Variants in FBXO15 observed in about 807,000 individuals in gnomAD.
FBXO15 encodes F-box only protein 15.
In FBXO15, 30 loss-of-function variants were observed where a neutral mutation model predicts 49.5. The observed-to-expected ratio is 0.61, with a 90% CI of 0.45 to 0.82. The LOEUF (loss-of-function observed/expected upper bound fraction) is 0.82, where lower values mean the gene tolerates loss of function less well. Ranked by LOEUF, FBXO15 falls within the 40% of genes least tolerant of loss-of-function variation. The pLI, the probability that FBXO15 is intolerant of heterozygous loss-of-function variation, is 0.00. For synonymous variants in FBXO15, 250 were observed against 232.7 expected (o/e 1.07, Z -0.68); for missense variants, 591 against 631.5 (o/e 0.94, Z 0.69).
chr18:74,086,732 G>A (rs896794064), intron 8 of FBXO15, among the ~76,000 whole-genome samples: 3 of 152,078 alleles, frequency 2.0e-5, no homozygotes, highest in African/African-American at 4.8e-5. Context: ...TTTTTAATTG[G>A]TATTTTAATA....
At position 74,125,545 on chromosome 18, in the gene FBXO15, G is replaced by A. The variant is rs188619412; in HGVS notation, c.912+430C>T. Among the ~76,000 whole-genome samples, 65 of 152,306 alleles carry A rather than the reference G, an allele frequency of 4.3e-4. 2 individuals carry two copies. The East Asian group carries it at 0.01, about 24-fold the overall frequency. On this transcript the variant is annotated intron_variant, in intron 6 of 9. Transcript: ENST00000419743. ...TGAAGAGCAGATTTCACTCAATGCCGCACCTACAGGATCAGAAACAGGCTT... is the reference window on the plus strand; with the variant it reads ...TGAAGAGCAGATTTCACTCAATGCCACACCTACAGGATCAGAAACAGGCTT...
At chr18:74,119,230 C>T (rs1421078077) in intron 8 of FBXO15, among the ~76,000 whole-genome samples, 1 of 152,200 alleles carries the variant, frequency 6.6e-6, no homozygotes, top group Non-Finnish European at 1.5e-5. Context: ...CCAAAAAGAT[C>T]CTGGCCAATG....
intron 8 of FBXO15, among the ~76,000 whole-genome samples, chr18:74,089,001 T>C (rs1279309626): frequency 6.6e-6 from 1 of 152,176 alleles, no homozygotes; most frequent in Non-Finnish European, 1.5e-5. Context: ...AGTTCTGGGA[T>C]ACATGTACAT....
At chr18:74,138,581 C>T (rs1380166993) in intron 2 of FBXO15, among the ~76,000 whole-genome samples, 2 of 152,060 alleles carry the variant, frequency 1.3e-5, no homozygotes, top group Non-Finnish European at 2.9e-5. Context: ...CCTAAGCCAC[C>T]TCACCCAGCT....
In FBXO15 at chr18:74,134,108, G is replaced by A. The variant is rs983308320; in HGVS notation, c.332+1654C>T. On this transcript the variant is annotated intron_variant, in intron 3 of 9. Transcript: ENST00000419743. Reference sequence around the variant, plus strand: ...TTGATATGTGTATGTGTGTGTTTGTGTGTGTGTGCATGTATTGACATAGAC... The same window carrying A: ...TTGATATGTGTATGTGTGTGTTTGTATGTGTGTGCATGTATTGACATAGAC... Among the ~76,000 whole-genome samples, 7 of 152,330 alleles carry A rather than the reference G, an allele frequency of 4.6e-5. No homozygotes were observed. In the East Asian group the frequency reaches 1.3e-3, roughly 29 times the overall value.
rs578184031 is a variant in FBXO15, at chr18:74,075,492, G to A, written c.1264-1762C>T. 1.3e-5 allele frequency among the ~76,000 whole-genome samples: 2 copies of A among 152,206 alleles called. No individual in the cohort carries two copies. Among genetic ancestry groups the A allele is most frequent in the African/African-American group, 2.4e-5 (1 of 41,450 alleles). ...CCCATCTTAGAGAGGCAGAGAGAGG[G>A]AAACAGCCTCCCTGGGCCCCGCAGG... On this transcript the variant is annotated intron_variant, in intron 9 of 9. Coordinates refer to ENST00000419743, the MANE Select transcript of FBXO15 (RefSeq NM_001142958.2). The surrounding 1 kb of genome is among the most constrained non-coding windows in gnomAD (Gnocchi z 4.1).
chr18:74,117,392 A>T (rs1157914121), intron 8 of FBXO15, among the ~76,000 whole-genome samples: 1 of 152,202 alleles, frequency 6.6e-6, no homozygotes, highest in African/African-American at 2.4e-5. Flanking sequence ...AATTGGCTTA[A>T]ATGTTACTCC....
chr18:74,083,197 C>T (rs906298151), intron 8 of FBXO15, among the ~76,000 whole-genome samples: 6 of 152,202 alleles, frequency 3.9e-5, no homozygotes, highest in Non-Finnish European at 8.8e-5. Context: ...AGAGGCAGCC[C>T]ACATTTTCCT....
chr18:74,129,745 C>T (rs1978316117), intron 4 of FBXO15, 131 bp from the exon 5 acceptor site: 2 of 725,112 alleles, frequency 2.8e-6, no homozygotes, highest in Non-Finnish European at 4.4e-6. Flanking sequence ...AGAATGTGCC[C>T]AGTATAATTT....
intron 8 of FBXO15, chr18:74,098,068 CACAGAGAGT>C (rs1467725840): frequency 6.8e-6 from 1 of 146,046 alleles, no homozygotes; most frequent in Non-Finnish European, 1.5e-5. Flanking sequence ...CCTAGGAAAA[CACAGAGAGT>C]ACTACATCAA....
chr18:74,147,818 G>A lies in FBXO15; in HGVS notation c.-33C>T, dbSNP rs1979559289. On this transcript the variant is annotated 5_prime_UTR_variant, in exon 1 of 10. Transcript: ENST00000419743. ...AGGAGTTCACCACAGGACCGCGCCA[G>A]GGCTGAAACGAAGAGTGCACGCACC... 5.4e-6 allele frequency: 8 copies of A among 1,483,666 alleles called. No homozygotes were observed. The highest frequency in any genetic ancestry group is 1.4e-5 in the African/African-American group (1 of 69,304). 91.9% of individuals were successfully genotyped at this position (1,483,666 alleles called of 1,614,324 possible). A position where few individuals can be genotyped will look rare whatever the true frequency, so the allele number is the denominator to read the frequency against.
intron 3 of FBXO15, among the ~76,000 whole-genome samples, chr18:74,135,237 G>A (rs546915739): frequency 6.6e-6 from 1 of 152,194 alleles, no homozygotes; most frequent in South Asian, 2.1e-4. Flanking sequence ...ACCTCTAGGA[G>A]AGGACAGTCT....
In FBXO15 at chr18:74,123,162, G is replaced by C. The variant is rs577587659; in HGVS notation, c.1138+206C>G. 6.3e-6 allele frequency: 3 copies of C among 479,398 alleles called. No individual in the cohort carries two copies. The South Asian group carries it at 1.1e-4, about 17-fold the overall frequency. The allele number at this position is 479,398 out of a possible 1,614,324, so 29.7% of individuals were successfully genotyped here. A position where few individuals can be genotyped will look rare whatever the true frequency, so the allele number is the denominator to read the frequency against. ...AGAAGGTGGCATTGAGAGTGATGGTGGTGAAGGAGACAGAGCCAGTTCTGA... is the reference window on the plus strand; with the variant it reads ...AGAAGGTGGCATTGAGAGTGATGGTCGTGAAGGAGACAGAGCCAGTTCTGA... On this transcript the variant is annotated intron_variant, in intron 8 of 9. Transcript: ENST00000419743.
chr18:74,103,164 C>T (rs1042013763), intron 8 of FBXO15, among the ~76,000 whole-genome samples: 1 of 151,692 alleles, frequency 6.6e-6, no homozygotes, highest in Non-Finnish European at 1.5e-5. Flanking sequence ...ATTTAGCAAA[C>T]AGATTGAAAT....
intron 8 of FBXO15, among the ~76,000 whole-genome samples, chr18:74,101,930 G>C (rs993999595): frequency 1.3e-4 from 20 of 152,036 alleles, no homozygotes; most frequent in Admixed American, 1.3e-3. Flanking sequence ...GAATGAAATG[G>C]GATCCTCATC....
intron 7 of FBXO15, 109 bp downstream of exon 7, chr18:74,124,380 A>T: frequency 1.1e-6 from 1 of 906,566 alleles, no homozygotes; most frequent in Non-Finnish European, 1.7e-6. Flanking sequence ...TTTACTGATT[A>T]AAAACAGAAT....
At chr18:74,084,175 C>G (rs1432696145) in intron 8 of FBXO15, among the ~76,000 whole-genome samples, 4 of 152,140 alleles carry the variant, frequency 2.6e-5, no homozygotes, top group Admixed American at 6.5e-5. Flanking sequence ...CATACTACTC[C>G]CAAGAGAAAA....
intron 9 of FBXO15, among the ~76,000 whole-genome samples, chr18:74,077,907 C>T (rs946584279): frequency 9.2e-5 from 14 of 152,190 alleles, no homozygotes; most frequent in South Asian, 6.2e-4. Flanking sequence ...GGCTAGCAGT[C>T]ACTTGACTGT....
chr18:74,073,660 A>G lies in FBXO15; in HGVS notation c.1334T>C (p.Val445Ala), dbSNP rs1382444894. Residue 445 changes from valine (V) to alanine (A), a missense_variant, in exon 10 of 10, where the codon GTG (valine) becomes GCG (alanine). Transcript: ENST00000419743. ...GKPFWCFSSPVCLRSPATPSD... is the reference protein window; with the variant it reads ...GKPFWCFSSPACLRSPATPSD... ...GGGTGTGGCAGGCGATCTCAGGCAC[A>G]CCGGGGAACTGAAACACCAAAAGGG... 1.2e-6 allele frequency: 2 copies of G among 1,614,184 alleles called. No individual in the cohort carries two copies. The highest frequency in any genetic ancestry group is 1.7e-6 in the Non-Finnish European group (2 of 1,180,030).
Sources: allele counts gnomAD v4.1 joint callset (sites outside exome capture counted in the v4.1 genomes callset), GRCh38; gene constraint gnomAD v4.1.1; non-coding constraint Gnocchi (gnomAD v3.1); transcripts MANE v1.5; gene names NCBI Gene and HGNC (gene_info 2026-07-23, HGNC 2026-07-21).